TUSC3: variants seen among roughly 807,000 people sequenced by gnomAD.
TUSC3 encodes tumor suppressor candidate 3.
Under a neutral mutation model 44.8 loss-of-function variants are expected in TUSC3, and 45 were observed. The ratio of observed to expected loss-of-function variants is 1.00; its 90% CI spans 0.79 to 1.29. The LOEUF is 1.29. TUSC3 is among the 50% of genes most tolerant of loss of function. The pLI, the probability that TUSC3 is intolerant of heterozygous loss-of-function variation, is 0.00. For missense variants in TUSC3, 519 were observed against 437.9 expected, an observed-to-expected ratio of 1.19 and a Z score of -1.65; for synonymous variants, 212 against 152.9, an observed-to-expected ratio of 1.39 and a Z score of -2.85.
chr8:15,548,575 G>C (rs1801952999), intron 1 of TUSC3, among the ~76,000 whole-genome samples: 1 of 151,828 alleles, frequency 6.6e-6, no homozygotes, highest in South Asian at 2.1e-4. Context: ...AAAATGGGAA[G>C]AACTGGGTAC....
At chr8:15,694,044 G>A (rs1423368012) in intron 6 of TUSC3, among the ~76,000 whole-genome samples, 1 of 152,018 alleles carries the variant, frequency 6.6e-6, no homozygotes, top group Non-Finnish European at 1.5e-5. Context: ...TAGTTTTATT[G>A]TATTCCTTAG....
chr8:15,521,768 C>T (rs1325766220), intron 2 of TUSC3, among the ~76,000 whole-genome samples: 1 of 152,158 alleles, frequency 6.6e-6, no homozygotes, highest in Non-Finnish European at 1.5e-5. Flanking sequence ...AGAACTGATA[C>T]CTCCATTTGG....
intron 6 of TUSC3, among the ~76,000 whole-genome samples, chr8:15,696,398 G>A (rs1346420996): frequency 6.6e-6 from 1 of 152,206 alleles, no homozygotes; most frequent in Non-Finnish European, 1.5e-5. Context: ...TTCAGAGGAT[G>A]TATGGAAACA....
At chr8:15,743,738 T>C (rs572698681) in intron 8 of TUSC3, 126 bp downstream of exon 8, 8 of 1,076,340 alleles carry the variant, frequency 7.4e-6, no homozygotes, top group African/African-American at 1.6e-5. Flanking sequence ...TTGAAGAAGA[T>C]TTTAACTTTT....
chr8:15,822,080 C>T, the TUSC3 span, among the ~76,000 whole-genome samples: 2 of 151,980 alleles, frequency 1.3e-5, no homozygotes, highest in African/African-American at 4.8e-5. Context: ...GAATCAGATA[C>T]TGAGTAGGAA....
chr8:15,746,659 C>A (rs948181648), intron 8 of TUSC3, among the ~76,000 whole-genome samples: 1 of 151,958 alleles, frequency 6.6e-6, no homozygotes, highest in Non-Finnish European at 1.5e-5. Context: ...CATTTCAAGC[C>A]TCATTTCTGA....
At chr8:15,693,512 C>T (rs1249504543) in intron 6 of TUSC3, among the ~76,000 whole-genome samples, 1 of 106,956 alleles carries the variant, frequency 9.3e-6, no homozygotes, top group Non-Finnish European at 1.8e-5. Flanking sequence ...TGTAGGGTTT[C>T]TGCTGTTTTA....
chr8:15,622,276 A>C (rs1805283283), intron 1 of TUSC3, among the ~76,000 whole-genome samples: 1 of 151,956 alleles, frequency 6.6e-6, no homozygotes, highest in Non-Finnish European at 1.5e-5. Flanking sequence ...TTCTAAAGAT[A>C]AGAGCCTTTT....
chr8:15,455,778 C>G (rs184833021), intron 1 of TUSC3, among the ~76,000 whole-genome samples: 4 of 152,134 alleles, frequency 2.6e-5, no homozygotes, highest in Admixed American at 6.5e-5. Flanking sequence ...AAGGTAACTA[C>G]GGGAGATACT....
intron 5 of TUSC3, among the ~76,000 whole-genome samples, chr8:15,668,764 T>A (rs541546758): frequency 2.0e-5 from 3 of 151,896 alleles, no homozygotes; most frequent in African/African-American, 7.2e-5. Context: ...TTTTCAGGAT[T>A]ATTGTCTAGT....
chr8:15,738,821 A>ATCTTGCTTTTTTTTT (rs1811046671), intron 7 of TUSC3, among the ~76,000 whole-genome samples: 2 of 93,380 alleles, frequency 2.1e-5, no homozygotes, highest in African/African-American at 7.7e-5. Flanking sequence ...CTATTAATAT[A>ATCTTGCTTTTTTTTT]TCTTGCTTTT....
In TUSC3 at chr8:15,713,796, T is replaced by G. The variant is rs186312369; in HGVS notation, c.799-16870T>G. 1.4e-3 allele frequency among the ~76,000 whole-genome samples: 217 copies of G among 152,008 alleles called. 1 individual carries two copies. The highest frequency in any genetic ancestry group is 0.011 in the Admixed American group (168 of 15,236). On this transcript the variant is annotated intron_variant, in intron 6 of 10. Coordinates refer to ENST00000503731, the MANE Select transcript of TUSC3 (RefSeq NM_006765.4). ...CTTTAAAGACCCTCTCACCAAAGAG[T>G]CATATTCTGAGGTACTGGGGGTTTT...
At chr8:15,793,419 G>T in the TUSC3 span, among the ~76,000 whole-genome samples, 3 of 152,010 alleles carry the variant, frequency 2.0e-5, no homozygotes, top group Admixed American at 6.6e-5. Flanking sequence ...CAGGGCCTTT[G>T]CACTTCTTAT....
At chr8:15,617,031 G>C (rs1805014751) in intron 1 of TUSC3, among the ~76,000 whole-genome samples, 1 of 151,922 alleles carries the variant, frequency 6.6e-6, no homozygotes, top group African/African-American at 2.4e-5. Context: ...AAAGAATCCT[G>C]TGTAATCAGC....
chr8:15,802,570 C>T, the TUSC3 span, among the ~76,000 whole-genome samples: 14 of 152,024 alleles, frequency 9.2e-5, no homozygotes, highest in Non-Finnish European at 8.8e-5. Context: ...TACAGGTGCA[C>T]GCCACCGTGC....
At chr8:15,524,544 A>T (rs1286504827) in intron 2 of TUSC3, among the ~76,000 whole-genome samples, 1 of 152,174 alleles carries the variant, frequency 6.6e-6, no homozygotes, top group African/African-American at 2.4e-5. Context: ...AATGATATCC[A>T]ATATTAATAT....
chr8:15,433,878 C>G (rs1385760908), intron 1 of TUSC3, among the ~76,000 whole-genome samples: 1 of 152,086 alleles, frequency 6.6e-6, no homozygotes, highest in Non-Finnish European at 1.5e-5. Flanking sequence ...AGAAATCAAG[C>G]TATAAATATT....
At chr8:15,504,615 ATATATATTTTTT>A (rs1465699845) in intron 2 of TUSC3, among the ~76,000 whole-genome samples, 39 of 18,972 alleles carry the variant, frequency 2.1e-3, no homozygotes, top group East Asian at 7.8e-3. Flanking sequence ...ATATATATAT[ATATATATTTTTT>A]TTTTTTTTTT....
intron 1 of TUSC3, among the ~76,000 whole-genome samples, chr8:15,580,708 C>T (rs1263072541): frequency 9.8e-6 from 1 of 102,274 alleles, no homozygotes; most frequent in Non-Finnish European, 2.0e-5. Flanking sequence ...GATGGGCTTC[C>T]CTTTGAGGGT....
Sources: allele counts gnomAD v4.1 joint callset (sites outside exome capture counted in the v4.1 genomes callset), GRCh38; gene constraint gnomAD v4.1.1; transcripts MANE v1.5; gene names NCBI Gene and HGNC (gene_info 2026-07-23, HGNC 2026-07-21).